The following ZFHX3 variants were observed in gnomAD, a reference collection of about 807,000 sequenced individuals.
ZFHX3 encodes zinc finger homeobox 3, also known as zinc finger homeobox protein 3.
In ZFHX3, 42 loss-of-function variants were observed where a neutral mutation model predicts 279.1. The observed-to-expected ratio is 0.15, with a 90% CI of 0.12 to 0.19. The LOEUF (loss-of-function observed/expected upper bound fraction) is 0.19, where lower values mean the gene tolerates loss of function less well. Ranked by LOEUF, ZFHX3 falls within the 10% of genes least tolerant of loss-of-function variation. ZFHX3 has a pLI of 1.00. For synonymous variants in ZFHX3, 2,293 were observed against 1,957.8 expected, an observed-to-expected ratio of 1.17 and a Z score of -4.52; for missense variants, 4,981 against 4,754.0, an observed-to-expected ratio of 1.05 and a Z score of -1.40.
At chr16:73,544,758 G>A (rs1296889322) in intron 2 of ZFHX3, among the ~76,000 whole-genome samples, 1 of 152,136 alleles carries the variant, frequency 6.6e-6, no homozygotes, top group Non-Finnish European at 1.5e-5. Flanking sequence ...AGGTGTGGGA[G>A]AGAAGCGAGG....
intron 5 of ZFHX3, among the ~76,000 whole-genome samples, chr16:73,187,549 G>C (rs938929274): frequency 5.3e-5 from 8 of 152,160 alleles, no homozygotes; most frequent in Non-Finnish European, 1.0e-4. Flanking sequence ...TGGCAGATGG[G>C]GGCATTTCAG....
intron 4 of ZFHX3, among the ~76,000 whole-genome samples, chr16:72,864,512 C>T (rs751885603): frequency 6.6e-6 from 1 of 152,138 alleles, no homozygotes; most frequent in Non-Finnish European, 1.5e-5. Context: ...CCCGGGCCAC[C>T]CAAACAGTTT....
chr16:72,843,692 T>C (rs1428759232), intron 4 of ZFHX3, among the ~76,000 whole-genome samples: 1 of 152,108 alleles, frequency 6.6e-6, no homozygotes, highest in African/African-American at 2.4e-5. Context: ...CCCTGCTCCC[T>C]GGGTGCTGGC....
At chr16:73,152,562 G>A (rs924361398) in intron 5 of ZFHX3, among the ~76,000 whole-genome samples, 1 of 151,588 alleles carries the variant, frequency 6.6e-6, no homozygotes, top group African/African-American at 2.4e-5. Flanking sequence ...GGGATTGCTG[G>A]CTCTTTTCAC....
chr16:72,924,392 A>G (rs1959328342), intron 3 of ZFHX3, among the ~76,000 whole-genome samples: 1 of 152,218 alleles, frequency 6.6e-6, no homozygotes, highest in South Asian at 2.1e-4. Context: ...AGAGGAGGTA[A>G]GAAAGTACTA....
chr16:73,365,864 G>T (rs532158954), intron 3 of ZFHX3, among the ~76,000 whole-genome samples: 1 of 152,148 alleles, frequency 6.6e-6, no homozygotes, highest in Non-Finnish European at 1.5e-5. Context: ...TCCAGGCAAC[G>T]GAACCAGCAC....
At chr16:73,816,668 C>T (rs1187336088) in intron 1 of ZFHX3, among the ~76,000 whole-genome samples, 1 of 152,064 alleles carries the variant, frequency 6.6e-6, no homozygotes, top group Admixed American at 6.5e-5. Context: ...GAATCTCAGG[C>T]AGGGGTACGG....
In ZFHX3 at chr16:72,785,133, G is replaced by A. The variant is rs927138411; in HGVS notation, c.*2031C>T. 6.6e-6 allele frequency: 1 copy of A among 151,986 alleles called. No homozygotes were observed. The highest frequency in any genetic ancestry group is 1.5e-5 in the Non-Finnish European group (1 of 68,038). The allele number at this position is 151,986 out of a possible 1,614,324, so 9.4% of individuals were successfully genotyped here. A position where few individuals can be genotyped will look rare whatever the true frequency, so the allele number is the denominator to read the frequency against. ...GCAAGGGGAGATGGTTTCTGTTGAT[G>A]TTTAGCTATGAAAGTGAAACAGCAA... On this transcript the variant is annotated 3_prime_UTR_variant, in exon 10 of 10. Coordinates refer to ENST00000268489, the MANE Select transcript of ZFHX3 (RefSeq NM_006885.4).
intron 4 of ZFHX3, among the ~76,000 whole-genome samples, chr16:73,263,650 A>G (rs1304175078): frequency 6.6e-6 from 1 of 152,166 alleles, no homozygotes; most frequent in East Asian, 1.9e-4. Context: ...GTCACAGACC[A>G]TCGTCCTTCT....
chr16:73,166,022 A>G (rs1967355505), intron 5 of ZFHX3, among the ~76,000 whole-genome samples: 1 of 152,218 alleles, frequency 6.6e-6, no homozygotes, highest in Non-Finnish European at 1.5e-5. Context: ...GGATAAACTG[A>G]GAAACAAGAA....
intron 6 of ZFHX3, among the ~76,000 whole-genome samples, chr16:73,133,156 G>T (rs1031806832): frequency 7.2e-5 from 11 of 152,222 alleles, no homozygotes; most frequent in Admixed American, 2.0e-4. Context: ...GTAACTGAGT[G>T]TTACGGTGGA....
chr16:73,365,069 G>A (rs2143323437), intron 3 of ZFHX3, among the ~76,000 whole-genome samples: 1 of 152,276 alleles, frequency 6.6e-6, no homozygotes, highest in South Asian at 2.1e-4. Flanking sequence ...GAAGATCACT[G>A]AGACGATGTT....
chr16:73,192,342 A>G (rs973229925), intron 5 of ZFHX3, among the ~76,000 whole-genome samples: 1 of 152,082 alleles, frequency 6.6e-6, no homozygotes, highest in Non-Finnish European at 1.5e-5. Context: ...AGGTGCTGAA[A>G]CCCAAACCAC....
intron 1 of ZFHX3, among the ~76,000 whole-genome samples, chr16:73,779,039 C>G (rs1959358567): frequency 6.6e-6 from 1 of 152,086 alleles, no homozygotes; most frequent in Admixed American, 6.5e-5. Context: ...GTCCCCAGCT[C>G]CGCCCTAGGG....
intron 6 of ZFHX3, among the ~76,000 whole-genome samples, chr16:73,142,052 C>T (rs1037855174): frequency 2.0e-5 from 3 of 152,226 alleles, no homozygotes; most frequent in African/African-American, 7.2e-5. Context: ...CATCATCACC[C>T]TGCCATCTGA....
intron 1 of ZFHX3, among the ~76,000 whole-genome samples, chr16:73,768,502 T>C (rs1393259705): frequency 6.6e-6 from 1 of 152,222 alleles, no homozygotes. Flanking sequence ...AATCCTATAT[T>C]CTGTTTTAAG....
chr16:73,799,782 G>A (rs534715214), intron 1 of ZFHX3, among the ~76,000 whole-genome samples: 4 of 152,294 alleles, frequency 2.6e-5, no homozygotes, highest in African/African-American at 7.2e-5. Flanking sequence ...TGTGAAGAAT[G>A]TGGGAGACAA....
At chr16:73,449,254 T>A (rs2018243399) in intron 3 of ZFHX3, among the ~76,000 whole-genome samples, 1 of 152,242 alleles carries the variant, frequency 6.6e-6, no homozygotes, top group Admixed American at 6.5e-5. Flanking sequence ...CTTGTGTGTT[T>A]ATTTTTATTT....
At chr16:73,128,525 TTTC>T (rs1207902733) in intron 7 of ZFHX3, among the ~76,000 whole-genome samples, 3 of 152,124 alleles carry the variant, frequency 2.0e-5, no homozygotes, top group African/African-American at 7.2e-5. Flanking sequence ...CAGAGCACTT[TTTC>T]TTAACCATTT....
Sources: gnomAD v4.1 joint callset for allele counts (sites outside exome capture counted in the v4.1 genomes callset) on GRCh38, gnomAD v4.1.1 for gene constraint, MANE v1.5 for transcripts, NCBI Gene and HGNC (gene_info 2026-07-23, HGNC 2026-07-21) for gene names.